EXOC6: variants seen among roughly 807,000 people sequenced by gnomAD.
EXOC6 encodes SEC15-like 1.
In EXOC6, 60 loss-of-function variants were observed where a neutral mutation model predicts 112.5. That is an observed-to-expected ratio of 0.53 (90% CI 0.43 to 0.66). EXOC6 has a LOEUF of 0.66. Among genes scored for constraint, EXOC6 ranks in the 30% least tolerant of loss-of-function variants. EXOC6 has a pLI of 0.00. For synonymous variants in EXOC6, 295 were observed against 308.0 expected (o/e 0.96, Z 0.44); for missense variants, 855 against 957.1 (o/e 0.89, Z 1.41).
At chr10:92,962,497 C>G (rs1002707124) in intron 17 of EXOC6, among the ~76,000 whole-genome samples, 1 of 151,978 alleles carries the variant, frequency 6.6e-6, no homozygotes, top group East Asian at 1.9e-4. Flanking sequence ...TCAAGCAATC[C>G]TCCCACCTCA....
intron 9 of EXOC6, 78 bp downstream of exon 9, chr10:92,928,500 T>C: frequency 3.6e-6 from 3 of 826,964 alleles, no homozygotes; most frequent in Non-Finnish European, 5.9e-6. Flanking sequence ...TCAAAGCATG[T>C]ATCACTGTTC....
intron 1 of EXOC6, among the ~76,000 whole-genome samples, chr10:92,863,962 C>G (rs1848043782): frequency 6.6e-6 from 1 of 150,468 alleles, no homozygotes; most frequent in Non-Finnish European, 1.5e-5. Context: ...GAAAAAAAAC[C>G]CAAAAAATTA....
At chr10:93,037,479 G>A (rs529827700) in intron 20 of EXOC6, among the ~76,000 whole-genome samples, 1 of 147,264 alleles carries the variant, frequency 6.8e-6, no homozygotes, top group Non-Finnish European at 1.5e-5. Context: ...CTCTCTTGTT[G>A]CCTAGGCTGG....
At chr10:92,948,432 T>A in intron 14 of EXOC6, 53 bp downstream of exon 14, 1 of 1,042,992 alleles carries the variant, frequency 9.6e-7, no homozygotes, top group Non-Finnish European at 1.4e-6. Flanking sequence ...TTCATAGTAT[T>A]TGTTACTACA....
chr10:92,835,406 T>G (rs1179160876), intron 1 of EXOC6, among the ~76,000 whole-genome samples: 1 of 152,242 alleles, frequency 6.6e-6, no homozygotes, highest in African/African-American at 2.4e-5. Flanking sequence ...AGAACAGGAT[T>G]AAAATGAAAA....
chr10:92,889,412 C>T (rs1849384253), intron 1 of EXOC6, among the ~76,000 whole-genome samples: 1 of 152,268 alleles, frequency 6.6e-6, no homozygotes, highest in South Asian at 2.1e-4. Flanking sequence ...AAAGCCTCCC[C>T]AGCGTCAATA....
intron 20 of EXOC6, among the ~76,000 whole-genome samples, chr10:93,045,365 C>A (rs1845960910): frequency 6.6e-6 from 1 of 152,098 alleles, no homozygotes; most frequent in Admixed American, 6.5e-5. Context: ...AAGTCATAAC[C>A]ATTGAGGTGG....
At chr10:93,032,206 G>A (rs1467079624) in intron 20 of EXOC6, among the ~76,000 whole-genome samples, 3 of 152,048 alleles carry the variant, frequency 2.0e-5, no homozygotes, top group Admixed American at 2.0e-4. Context: ...GTATTGTGGT[G>A]CACACCTGTA....
chr10:92,864,595 G>A (rs985710010), intron 1 of EXOC6, among the ~76,000 whole-genome samples: 1 of 152,192 alleles, frequency 6.6e-6, no homozygotes, highest in Admixed American at 6.5e-5. Flanking sequence ...TGCATCAGTA[G>A]ACTGAGTAAA....
chr10:92,985,151 C>G (rs1463249000), intron 18 of EXOC6, among the ~76,000 whole-genome samples: 1 of 152,152 alleles, frequency 6.6e-6, no homozygotes, highest in African/African-American at 2.4e-5. Context: ...TCAGGATCCT[C>G]AGCTCTCCCC....
intron 20 of EXOC6, among the ~76,000 whole-genome samples, chr10:93,034,577 C>G (rs1476106798): frequency 6.6e-6 from 1 of 152,188 alleles, no homozygotes; most frequent in African/African-American, 2.4e-5. Flanking sequence ...AGCTTTGAAT[C>G]TTATGAAGGA....
At position 92,896,386 on chromosome 10, in the gene EXOC6, G is replaced by A. The variant is rs189319035; in HGVS notation, c.412+1366G>A. ...TAATTTTTGTATTTACAGTAGAGGT[G>A]GGGTTTCACTATTTTGGCCAGGCTG... is the stretch of plus-strand genomic sequence containing the variant. On this transcript the variant is annotated intron_variant, in intron 4 of 21. Transcript: ENST00000260762. 6.4e-3 allele frequency among the ~76,000 whole-genome samples: 950 copies of A among 148,650 alleles called. 16 individuals are homozygous for A. The highest frequency in any genetic ancestry group is 0.022 in the African/African-American group (900 of 40,442).
At chr10:93,019,349 C>T (rs1257692741) in intron 20 of EXOC6, among the ~76,000 whole-genome samples, 3 of 152,010 alleles carry the variant, frequency 2.0e-5, no homozygotes, top group Non-Finnish European at 2.9e-5. Flanking sequence ...TTTCCAGAGC[C>T]AAGAAAATTT....
intron 18 of EXOC6, among the ~76,000 whole-genome samples, chr10:92,995,047 CTATT>C (rs1295886827): frequency 1.3e-5 from 2 of 151,182 alleles, no homozygotes; most frequent in Admixed American, 6.6e-5. Context: ...AAATTTTGAG[CTATT>C]TATTTCATCT....
rs1244528177 is a variant in EXOC6 at position 92,974,057 on chromosome 10, C to T, written c.1778C>T (p.Ala593Val). ...TGTTATTTTGTCCCATGTCAGGATGCTCGACATGCAGCAGAAGGAGAAATA... is the reference window on the plus strand; with the variant it reads ...TGTTATTTTGTCCCATGTCAGGATGTTCGACATGCAGCAGAAGGAGAAATA... ...RLYGLSTFKD[A>V]RHAAEGEIYT... Residue 593 changes from alanine (A) to valine (V), a missense_variant, in exon 18 of 22, where the codon GCT becomes GTT. Transcript: ENST00000260762. 2 of 1,586,298 alleles carry T rather than the reference C, an allele frequency of 1.3e-6. No individual in the cohort carries two copies.
At chr10:92,878,274 T>C (rs1163847043) in intron 1 of EXOC6, 2 of 152,200 alleles carry the variant, frequency 1.3e-5, no homozygotes, top group African/African-American at 2.4e-5. Context: ...TAGTTCTTTC[T>C]AGGTCGTCTT....
intron 11 of EXOC6, 102 bp from the exon 12 acceptor site, chr10:92,935,712 T>C: frequency 1.2e-6 from 1 of 861,224 alleles, no homozygotes; most frequent in South Asian, 1.5e-5. Flanking sequence ...GTCTGGCAGA[T>C]TAAAAGAAAC....
intron 1 of EXOC6, among the ~76,000 whole-genome samples, chr10:92,858,022 T>TCCTC (rs1554882162): frequency 9.9e-6 from 1 of 101,272 alleles, no homozygotes; most frequent in African/African-American, 3.6e-5. Context: ...GTTGACGGGT[T>TCCTC]CCCCCCCTCC....
intron 19 of EXOC6, among the ~76,000 whole-genome samples, chr10:93,003,962 A>G (rs2134201218): frequency 6.6e-6 from 1 of 152,334 alleles, no homozygotes; most frequent in Admixed American, 6.5e-5. Flanking sequence ...TGGACTACAA[A>G]ATGGAGCTTT....
Sources: allele counts gnomAD v4.1 joint callset (sites outside exome capture counted in the v4.1 genomes callset), GRCh38; gene constraint gnomAD v4.1.1; transcripts MANE v1.5; gene names NCBI Gene and HGNC (gene_info 2026-07-23, HGNC 2026-07-21).